TTLL5: variants seen among roughly 807,000 people sequenced by gnomAD.
TTLL5 encodes tubulin tyrosine ligase like 5, also known as tubulin polyglutamylase TTLL5.
A neutral mutation model predicts 168.4 loss-of-function variants in TTLL5; 132 were observed. That is an observed-to-expected ratio of 0.78 (90% confidence interval 0.68 to 0.91). TTLL5 has a LOEUF of 0.91. Among genes scored for constraint, TTLL5 ranks in the 40% least tolerant of loss-of-function variants. TTLL5 has a pLI of 0.00. For missense variants in TTLL5, 1,545 were observed against 1,581.5 expected (o/e 0.98, Z 0.39); for synonymous variants, 546 against 558.6 (o/e 0.98, Z 0.32).
At chr14:75,816,974 A>ATTTTTTTTTTTTTTT (rs35736530) in intron 27 of TTLL5, among the ~76,000 whole-genome samples, 3 of 96,086 alleles carry the variant, frequency 3.1e-5, no homozygotes, top group African/African-American at 4.2e-5. Context: ...TCCCTGTCTT[A>ATTTTTTTTTTTTTTT]TTTTTTTTTT....
chr14:75,667,749 A>ATGT (rs1883373152), intron 2 of TTLL5, among the ~76,000 whole-genome samples: 1 of 67,870 alleles, frequency 1.5e-5, no homozygotes, highest in East Asian at 4.0e-4. Context: ...GGATCTTTTT[A>ATGT]TGTTTTTTTT....
chr14:75,911,883 A>C (rs2033400685), intron 31 of TTLL5, among the ~76,000 whole-genome samples: 1 of 152,206 alleles, frequency 6.6e-6, no homozygotes, highest in Non-Finnish European at 1.5e-5. Context: ...ATTTATTCTT[A>C]TTATTACCAC....
chr14:75,932,880 G>GT (rs1216043881), intron 31 of TTLL5, among the ~76,000 whole-genome samples: 2 of 152,130 alleles, frequency 1.3e-5, no homozygotes, highest in Non-Finnish European at 2.9e-5. Context: ...TGTTGGTGTT[G>GT]TTTTTTGTTT....
At chr14:75,928,402 G>A (rs2034157815) in intron 31 of TTLL5, among the ~76,000 whole-genome samples, 2 of 115,368 alleles carry the variant, frequency 1.7e-5, no homozygotes, top group Admixed American at 1.9e-4. Flanking sequence ...TCATTTCCTG[G>A]GCAAAATGTT....
At chr14:75,895,495 TAA>T (rs1227495180) in intron 30 of TTLL5, among the ~76,000 whole-genome samples, 2 of 152,008 alleles carry the variant, frequency 1.3e-5, no homozygotes, top group African/African-American at 2.4e-5. Context: ...ACAAAGCACT[TAA>T]GTTAGAAATA....
intron 31 of TTLL5, among the ~76,000 whole-genome samples, chr14:75,915,440 G>T (rs547305907): frequency 6.6e-6 from 1 of 152,272 alleles, no homozygotes; most frequent in African/African-American, 2.4e-5. Context: ...CACTGCTGTT[G>T]TCAGTAACAA....
chr14:75,784,038 A>G (rs1054014031), intron 26 of TTLL5, among the ~76,000 whole-genome samples: 1 of 152,220 alleles, frequency 6.6e-6, no homozygotes, highest in South Asian at 2.1e-4. Flanking sequence ...CATTCTATCA[A>G]ATTCACCCTT....
chr14:75,733,928 G>A (rs972260242), intron 13 of TTLL5, 61 bp from the exon 14 acceptor site: 1 of 1,520,954 alleles, frequency 6.6e-7, no homozygotes, highest in African/African-American at 1.4e-5. Flanking sequence ...CCCATCAGAG[G>A]GCGGCTATTC....
In TTLL5 at chr14:75,685,345, C is replaced by T. The variant is rs887392119; in HGVS notation, c.371+1689C>T. 5.5e-5 allele frequency among the ~76,000 whole-genome samples: 8 copies of T among 144,592 alleles called. No homozygotes were observed. The East Asian group carries it at 1.0e-3, about 18-fold the overall frequency. 94.9% of individuals were successfully genotyped at this position (144,592 alleles called of 152,430 possible). Reference sequence around the variant, plus strand: ...GAGCTATGATTGTGCCACTGCACTCCAGCCTGGGTAACACAGAGAGACTCT... The same window carrying T: ...GAGCTATGATTGTGCCACTGCACTCTAGCCTGGGTAACACAGAGAGACTCT... On this transcript the variant is annotated intron_variant, in intron 5 of 31. Transcript: ENST00000298832.
At chr14:75,763,545 G>C (rs1890790115) in intron 18 of TTLL5, among the ~76,000 whole-genome samples, 1 of 152,090 alleles carries the variant, frequency 6.6e-6, no homozygotes, top group African/African-American at 2.4e-5. Flanking sequence ...ATGATTTCTT[G>C]ACCTCAAAGG....
intron 31 of TTLL5, among the ~76,000 whole-genome samples, chr14:75,902,834 A>C (rs2032981878): frequency 6.6e-6 from 1 of 152,242 alleles, no homozygotes. Flanking sequence ...CAGAAAATTG[A>C]ACAAATATTT....
intron 30 of TTLL5, among the ~76,000 whole-genome samples, chr14:75,888,488 A>C (rs140061620): frequency 2.0e-5 from 3 of 152,308 alleles, no homozygotes; most frequent in Admixed American, 6.5e-5. Flanking sequence ...TTTGGCAGGA[A>C]TTTATGCTAA....
At chr14:75,793,170 C>A in intron 27 of TTLL5, 70 bp downstream of exon 27, 1 of 1,379,812 alleles carries the variant, frequency 7.2e-7, no homozygotes, top group Non-Finnish European at 9.6e-7. Flanking sequence ...GGTACTTTGT[C>A]TTTCCCTGTC....
chr14:75,838,490 A>AGGC (rs1896008963), intron 28 of TTLL5: 1 of 151,492 alleles, frequency 6.6e-6, no homozygotes, highest in African/African-American at 2.4e-5. Flanking sequence ...TGAACCCTGG[A>AGGC]GGCGGAGCTT....
intron 31 of TTLL5, among the ~76,000 whole-genome samples, chr14:75,936,607 A>G (rs2034440411): frequency 6.6e-6 from 1 of 152,208 alleles, no homozygotes; most frequent in African/African-American, 2.4e-5. Flanking sequence ...TGAGGGAAGC[A>G]TCTCTCTTTC....
chr14:75,797,226 C>T lies in TTLL5; in HGVS notation c.3171+4126C>T, dbSNP rs965683753. Among the ~76,000 whole-genome samples the T allele has an allele frequency of 4.6e-5, 7 of 151,924 alleles. 1 individual carries two copies. Among genetic ancestry groups the T allele is most frequent in the East Asian group, 1.9e-4 (1 of 5,200 alleles). ...ATTCTTGATGTGATTCTCAGCTTGGCGGCAGTTGGTGTATAGCAGTGCTAC... is the reference window on the plus strand; with the variant it reads ...ATTCTTGATGTGATTCTCAGCTTGGTGGCAGTTGGTGTATAGCAGTGCTAC... On this transcript the variant is annotated intron_variant, in intron 27 of 31. Coordinates refer to ENST00000298832, the MANE Select transcript of TTLL5 (RefSeq NM_015072.5).
rs183971224 is a variant in TTLL5 at position 75,701,230 on chromosome 14, C to T, written c.585+1960C>T. ...TGCATAATGGATGCAGTTTGCCTGCCTTTCCTTCTGAGGATACCAATGGAA... is the reference window on the plus strand; with the variant it reads ...TGCATAATGGATGCAGTTTGCCTGCTTTTCCTTCTGAGGATACCAATGGAA... On this transcript the variant is annotated intron_variant, in intron 7 of 31. Coordinates refer to ENST00000298832, the MANE Select transcript of TTLL5 (RefSeq NM_015072.5). Among the ~76,000 whole-genome samples the T allele has an allele frequency of 1.7e-4, 26 of 152,212 alleles. 1 individual carries two copies. Among genetic ancestry groups the T allele is most frequent in the Admixed American group, 1.7e-3 (26 of 15,290 alleles).
At chr14:75,834,930 T>C (rs1361476422) in intron 28 of TTLL5, among the ~76,000 whole-genome samples, 1 of 151,974 alleles carries the variant, frequency 6.6e-6, no homozygotes, top group African/African-American at 2.4e-5. Flanking sequence ...TAGCCGGGCA[T>C]GGTAGCATGT....
intron 2 of TTLL5, among the ~76,000 whole-genome samples, chr14:75,668,579 A>T (rs1209570368): frequency 6.6e-6 from 1 of 152,236 alleles, no homozygotes; most frequent in Non-Finnish European, 1.5e-5. Flanking sequence ...TTTCCTGAGG[A>T]TAGGGAAAGA....
Sources: gnomAD v4.1 joint callset for allele counts (sites outside exome capture counted in the v4.1 genomes callset) on GRCh38, gnomAD v4.1.1 for gene constraint, MANE v1.5 for transcripts, NCBI Gene and HGNC (gene_info 2026-07-23, HGNC 2026-07-21) for gene names.